CLEC4A: variants seen among roughly 807,000 people sequenced by gnomAD.
The protein encoded by CLEC4A is C-type (calcium dependent, carbohydrate-recognition domain) lectin, superfamily member 6.
In CLEC4A, 27 loss-of-function variants were observed where a neutral mutation model predicts 32.7. That is an observed-to-expected ratio of 0.83 (90% CI 0.61 to 1.14). The LOEUF (loss-of-function observed/expected upper bound fraction) is 1.14. Ranked by LOEUF, CLEC4A falls within the 50% of genes most tolerant of loss-of-function variation. The probability of loss-of-function intolerance (pLI) is 0.00; values close to 1 mark genes in which losing one functional copy is unlikely to be tolerated. For synonymous variants in CLEC4A, 89 were observed against 93.7 expected (o/e 0.95, Z 0.29); for missense variants, 253 against 274.6 (o/e 0.92, Z 0.55).
chr12:8,103,510 C>T, the CLEC4A span, among the ~76,000 whole-genome samples: 17 of 150,750 alleles, frequency 1.1e-4, no homozygotes, highest in Non-Finnish European at 1.8e-4. Context: ...CTCAGCCTCC[C>T]GAGTAGCTGG....
chr12:8,113,361 T>C, the CLEC4A span, among the ~76,000 whole-genome samples: 1 of 152,138 alleles, frequency 6.6e-6, no homozygotes, highest in Non-Finnish European at 1.5e-5. Flanking sequence ...TAATCCAGTC[T>C]GTCGTTGTTG....
At chr12:8,135,762 G>T in intron 4 of CLEC4A, 26 bp downstream of exon 4, 1 of 1,610,240 alleles carries the variant, frequency 6.2e-7, no homozygotes, top group East Asian at 2.2e-5. Context: ...TAATGGGGCT[G>T]TGAGCCCTGC....
At chr12:8,116,674 A>T in the CLEC4A span, among the ~76,000 whole-genome samples, 1 of 152,182 alleles carries the variant, frequency 6.6e-6, no homozygotes, top group South Asian at 2.1e-4. Flanking sequence ...TTTGCTAGGA[A>T]GGGGAAGTTC....
At chr12:8,136,320 T>G (rs1948115064) in intron 4 of CLEC4A, among the ~76,000 whole-genome samples, 1 of 152,186 alleles carries the variant, frequency 6.6e-6, no homozygotes, top group Non-Finnish European at 1.5e-5. Flanking sequence ...ATCCCAGCAC[T>G]TTGGGAGGCC....
At chr12:8,103,010 T>TG in the CLEC4A span, among the ~76,000 whole-genome samples, 1 of 152,212 alleles carries the variant, frequency 6.6e-6, no homozygotes, top group South Asian at 2.1e-4. Context: ...AGTTTTTGTT[T>TG]GGGAAAAAAA....
chr12:8,117,661 C>G, the CLEC4A span, among the ~76,000 whole-genome samples: 9 of 152,118 alleles, frequency 5.9e-5, no homozygotes. Flanking sequence ...TAATACTAGT[C>G]GTGCTTTCTC....
chr12:8,128,645 C>A (rs939601488), intron 2 of CLEC4A, among the ~76,000 whole-genome samples: 2 of 152,074 alleles, frequency 1.3e-5, no homozygotes, highest in African/African-American at 4.8e-5. Context: ...TCCTGACCTG[C>A]CTCGACCTCC....
chr12:8,133,840 A>G, intron 3 of CLEC4A: 1 of 1,584,654 alleles, frequency 6.3e-7, no homozygotes, highest in Non-Finnish European at 8.6e-7. Flanking sequence ...CCTCAGGGAA[A>G]GGGACCGAGG....
chr12:8,129,414 C>T (rs780678851), intron 3 of CLEC4A, 52 bp downstream of exon 3: 2 of 1,151,022 alleles, frequency 1.7e-6, no homozygotes, highest in Admixed American at 2.0e-5. Context: ...ATGTAAGGAT[C>T]CCAAATCAAT....
At chr12:8,125,452 C>A in intron 1 of CLEC4A, 109 bp from the exon 2 acceptor site, 1 of 653,212 alleles carries the variant, frequency 1.5e-6, no homozygotes, top group Non-Finnish European at 2.8e-6. Flanking sequence ...AATGTCATAC[C>A]GTTAGTAACT....
intron 3 of CLEC4A, among the ~76,000 whole-genome samples, chr12:8,135,016 C>T (rs1314086916): frequency 0.023 from 302 of 12,914 alleles, 11 homozygotes; most frequent in East Asian, 0.036. Context: ...GCTTTTAAAT[C>T]TTTGTCAGAT....
At chr12:8,131,925 A>G (rs1238441619) in intron 3 of CLEC4A, among the ~76,000 whole-genome samples, 1 of 152,010 alleles carries the variant, frequency 6.6e-6, no homozygotes, top group Non-Finnish European at 1.5e-5. Context: ...GGTTTGCTAC[A>G]TAGACCAACC....
the CLEC4A span, among the ~76,000 whole-genome samples, chr12:8,116,045 C>G: frequency 1.3e-5 from 2 of 151,992 alleles, no homozygotes; most frequent in African/African-American, 4.8e-5. Context: ...ACCACAACCT[C>G]TGCCTCCCAG....
chr12:8,128,189 G>A (rs772759364), intron 2 of CLEC4A, among the ~76,000 whole-genome samples: 2 of 152,224 alleles, frequency 1.3e-5, no homozygotes, highest in South Asian at 4.1e-4. Flanking sequence ...AGCAAGAAAG[G>A]TAAGACAAAA....
chr12:8,122,485 G>T (rs568535589), upstream of CLEC4A, among the ~76,000 whole-genome samples: 318 of 151,868 alleles, frequency 2.1e-3, 4 homozygotes, highest in Non-Finnish European at 1.9e-3. Context: ...TGGGGAGTGG[G>T]CTGGCCCTTT....
the CLEC4A span, among the ~76,000 whole-genome samples, chr12:8,111,620 T>C: frequency 6.6e-6 from 1 of 152,360 alleles, no homozygotes; most frequent in South Asian, 2.1e-4. Flanking sequence ...TCTTTGCCTA[T>C]GCATTTGTAT....
At chr12:8,132,987 T>G (rs2120610791) in intron 3 of CLEC4A, among the ~76,000 whole-genome samples, 1 of 152,308 alleles carries the variant, frequency 6.6e-6, no homozygotes, top group South Asian at 2.1e-4. Context: ...CGATCTCAGC[T>G]CACTGCAACC....
chr12:8,129,308 A>G lies in CLEC4A; in HGVS notation c.244A>G (p.Lys82Glu), dbSNP rs769006103. The change falls in exon 3 of 6, where the codon AAA (lysine) becomes GAA (glutamate). Residue 82 changes from lysine (K) to glutamate (E), a missense_variant. Lys to Glu is a moderately conservative substitution (Grantham distance 56, BLOSUM62 1). Coordinates refer to ENST00000229332, the MANE Select transcript of CLEC4A (RefSeq NM_016184.4). ...TCAGCTTCTTGAAAAAAAGACTACA[A>G]AAGAGCTGGTTCATACAACATTGGA... ...YSQLLEKKTT[K>E]ELVHTTLECV... The G allele has an allele frequency of 4.4e-6, 7 of 1,607,552 alleles. No individual in the cohort carries two copies. The highest frequency in any genetic ancestry group is 5.9e-6 in the Non-Finnish European group (7 of 1,178,334).
At chr12:8,104,598 T>A in the CLEC4A span, among the ~76,000 whole-genome samples, 1 of 152,184 alleles carries the variant, frequency 6.6e-6, no homozygotes, top group African/African-American at 2.4e-5. Context: ...CTATTTTAGA[T>A]TCAGAGGTAT....
Sources: allele counts gnomAD v4.1 joint callset (sites outside exome capture counted in the v4.1 genomes callset), GRCh38; gene constraint gnomAD v4.1.1; transcripts MANE v1.5; gene names NCBI Gene and HGNC (gene_info 2026-07-23, HGNC 2026-07-21).